The following DIS3L2 variants were observed in gnomAD, a reference collection of about 807,000 sequenced individuals.
The protein encoded by DIS3L2 is DIS3-like exonuclease 2.
In DIS3L2, 34 loss-of-function variants were observed where a neutral mutation model predicts 97.5. That is an observed-to-expected ratio of 0.35 (90% CI 0.27 to 0.46). DIS3L2 has a LOEUF of 0.46. Ranked by LOEUF, DIS3L2 falls within the 20% of genes least tolerant of loss-of-function variation. The pLI, the probability that DIS3L2 is intolerant of heterozygous loss-of-function variation, is 1.00. For missense variants in DIS3L2, 1,038 were observed against 1,146.0 expected, an observed-to-expected ratio of 0.91 and a Z score of 1.36; for synonymous variants, 435 against 445.2, an observed-to-expected ratio of 0.98 and a Z score of 0.29.
intron 6 of DIS3L2, among the ~76,000 whole-genome samples, chr2:232,106,083 C>CT (rs1434563268): frequency 3.9e-5 from 6 of 152,176 alleles, no homozygotes; most frequent in African/African-American, 1.4e-4. Context: ...CTTTTGGACT[C>CT]TTTCTTCCCA....
chr2:232,263,322 C>T lies in DIS3L2; in HGVS notation c.1541C>T (p.Pro514Leu). The change falls in exon 13 of 21, where the codon CCC becomes CTC. Residue 514 changes from proline (P) to leucine (L), a missense_variant. By Grantham distance (98) the Pro-to-Leu change is moderately conservative (BLOSUM62 -3). Transcript: ENST00000325385. ...GAGAAAATCCCTGCGAAAGAGCTGC[C>T]CCCCATTTCCCCAGAGCATAGCAGC... ...PTEKIPAKEL[P>L]PISPEHSSEE... 6.2e-7 allele frequency: 1 copy of T among 1,614,166 alleles called. No individual in the cohort carries two copies. The highest frequency in any genetic ancestry group is 8.5e-7 in the Non-Finnish European group (1 of 1,180,042).
intron 9 of DIS3L2, among the ~76,000 whole-genome samples, chr2:232,202,282 C>T (rs1386889472): frequency 6.6e-6 from 1 of 152,156 alleles, no homozygotes; most frequent in Non-Finnish European, 1.5e-5. Context: ...CCTGTAGTCC[C>T]AGCTACTTGG....
chr2:232,096,887 A>G (rs1202106501), intron 6 of DIS3L2, among the ~76,000 whole-genome samples: 1 of 152,122 alleles, frequency 6.6e-6, no homozygotes, highest in East Asian at 1.9e-4. Flanking sequence ...TCTGTCTGAA[A>G]GGTTACATAT....
rs182191009 is a variant in DIS3L2 at position 232,210,582 on chromosome 2, C to G, written c.1204+177C>G. 2.1e-3 allele frequency among the ~76,000 whole-genome samples: 322 copies of G among 152,336 alleles called. 2 individuals are homozygous for G. The highest frequency in any genetic ancestry group is 7.3e-3 in the African/African-American group (305 of 41,586). On this transcript the variant is annotated intron_variant, in intron 10 of 20. Coordinates refer to ENST00000325385, the MANE Select transcript of DIS3L2 (RefSeq NM_152383.5). ...ACTATGTGACCTTAAGATTGTGTTC[C>G]TGTGGTGACATTGGTGAGGGTGAGA...
At chr2:232,191,656 A>G (rs531823840) in intron 9 of DIS3L2, among the ~76,000 whole-genome samples, 2 of 152,322 alleles carry the variant, frequency 1.3e-5, no homozygotes, top group African/African-American at 4.8e-5. Context: ...CTAGTGCTCA[A>G]ATGTAAAGTT....
At chr2:232,247,998 T>C (rs1357697653) in intron 11 of DIS3L2, among the ~76,000 whole-genome samples, 1 of 152,198 alleles carries the variant, frequency 6.6e-6, no homozygotes, top group Non-Finnish European at 1.5e-5. Flanking sequence ...TTAAGTTTCA[T>C]ACAGATGTTA....
intron 13 of DIS3L2, among the ~76,000 whole-genome samples, chr2:232,287,390 C>CG (rs1237257941): frequency 1.5e-4 from 1 of 6,830 alleles, no homozygotes. Flanking sequence ...CCCCCCGCGC[C>CG]CCCCCCCCCC....
At chr2:231,998,437 A>C (rs1693789231) in intron 1 of DIS3L2, among the ~76,000 whole-genome samples, 1 of 152,216 alleles carries the variant, frequency 6.6e-6, no homozygotes, top group Non-Finnish European at 1.5e-5. Flanking sequence ...AAATTTCAAC[A>C]TAAATTTTGG....
chr2:232,156,999 A>C (rs2106371364), intron 8 of DIS3L2, among the ~76,000 whole-genome samples: 1 of 152,314 alleles, frequency 6.6e-6, no homozygotes. Flanking sequence ...TCTGTGCCTC[A>C]AAATAATATA....
chr2:232,167,955 A>T (rs912025775), intron 9 of DIS3L2, among the ~76,000 whole-genome samples: 8 of 152,190 alleles, frequency 5.3e-5, no homozygotes, highest in African/African-American at 1.9e-4. Context: ...AGGCTGAGGC[A>T]GGAGAATTGC....
intron 15 of DIS3L2, among the ~76,000 whole-genome samples, chr2:232,330,445 A>G (rs1695701872): frequency 6.6e-6 from 1 of 152,182 alleles, no homozygotes; most frequent in Non-Finnish European, 1.5e-5. Context: ...AGGGGAAGGC[A>G]GGTGCCCCAG....
intron 8 of DIS3L2, among the ~76,000 whole-genome samples, chr2:232,163,068 A>G (rs2106376730): frequency 6.6e-6 from 1 of 152,330 alleles, no homozygotes; most frequent in East Asian, 1.9e-4. Context: ...AAATAGGAAC[A>G]TCAGAATTAA....
chr2:232,041,584 GT>G (rs1298095720), intron 5 of DIS3L2, among the ~76,000 whole-genome samples: 9 of 152,132 alleles, frequency 5.9e-5, no homozygotes, highest in Non-Finnish European at 5.9e-5. Flanking sequence ...TTTTTTGGTT[GT>G]ACCAAAGGAG....
At chr2:232,335,672 C>G (rs558996282) in intron 19 of DIS3L2, 101 bp from the exon 20 acceptor site, 4 of 1,352,856 alleles carry the variant, frequency 3.0e-6, no homozygotes, top group Admixed American at 2.1e-5. Context: ...GGGCCAGGGC[C>G]GAGGGCTGAG....
At chr2:232,294,389 T>C (rs1694674850) in intron 13 of DIS3L2, among the ~76,000 whole-genome samples, 1 of 152,186 alleles carries the variant, frequency 6.6e-6, no homozygotes, top group Non-Finnish European at 1.5e-5. Context: ...CCGTGTTTGC[T>C]ACAGGAACCA....
chr2:232,078,516 TCTTA>T (rs1156902946), intron 5 of DIS3L2, among the ~76,000 whole-genome samples: 1 of 152,214 alleles, frequency 6.6e-6, no homozygotes, highest in Non-Finnish European at 1.5e-5. Flanking sequence ...GAAGAAAGCC[TCTTA>T]CTTTACAGAG....
chr2:232,124,007 A>G (rs953552519), intron 6 of DIS3L2, among the ~76,000 whole-genome samples: 1 of 152,204 alleles, frequency 6.6e-6, no homozygotes, highest in African/African-American at 2.4e-5. Flanking sequence ...GGTTTCTTCA[A>G]CCTAGGCCTC....
intron 19 of DIS3L2, 36 bp from the exon 20 acceptor site, chr2:232,335,737 A>G (rs987156192): frequency 6.5e-7 from 1 of 1,545,264 alleles, no homozygotes; most frequent in African/African-American, 1.4e-5. Flanking sequence ...AGCAGCATCC[A>G]GAGCTGAGGC....
intron 10 of DIS3L2, among the ~76,000 whole-genome samples, chr2:232,217,621 A>G (rs1692376451): frequency 6.6e-6 from 1 of 152,216 alleles, no homozygotes; most frequent in Non-Finnish European, 1.5e-5. Context: ...TGAGTTTCAT[A>G]AATTTGCTAG....
Sources: allele counts gnomAD v4.1 joint callset (sites outside exome capture counted in the v4.1 genomes callset), GRCh38; gene constraint gnomAD v4.1.1; transcripts MANE v1.5; gene names NCBI Gene and HGNC (gene_info 2026-07-23, HGNC 2026-07-21).